TMEM266: variants seen among roughly 807,000 people sequenced by gnomAD.
TMEM266 encodes Hv1 related protein 1.
In TMEM266, 33 loss-of-function variants were observed where a neutral mutation model predicts 50.5. That is an observed-to-expected ratio of 0.65 (90% CI 0.50 to 0.87). The LOEUF (loss-of-function observed/expected upper bound fraction) is 0.87, where lower values mean the gene tolerates loss of function less well. TMEM266 is among the 40% of genes least tolerant of loss of function. TMEM266 has a pLI of 0.00. For synonymous variants in TMEM266, 310 were observed against 292.3 expected, an observed-to-expected ratio of 1.06 and a Z score of -0.62; for missense variants, 655 against 695.1, an observed-to-expected ratio of 0.94 and a Z score of 0.65.
At chr15:76,115,691 A>G (rs2037236830) in intron 1 of TMEM266, among the ~76,000 whole-genome samples, 1 of 152,170 alleles carries the variant, frequency 6.6e-6, no homozygotes, top group South Asian at 2.1e-4. Context: ...GGGCCTGTCA[A>G]TATGCCCAGT....
At chr15:76,080,697 T>TCCTGGCCCAGGGCCCTCACAGCTTTGTAA (rs1305805785) in intron 1 of TMEM266, among the ~76,000 whole-genome samples, 2 of 152,094 alleles carry the variant, frequency 1.3e-5, no homozygotes, top group Non-Finnish European at 2.9e-5. Flanking sequence ...GCCACCTGTC[T>TCCTGGCCCAGGGCCCTCACAGCTTTGTAA]CCTGGCCCAG....
chr15:76,123,215 T>G (rs1000273230), intron 1 of TMEM266, among the ~76,000 whole-genome samples: 2 of 152,166 alleles, frequency 1.3e-5, no homozygotes, highest in East Asian at 3.8e-4. Flanking sequence ...GGTGTGTGAT[T>G]GATTTTCTTC....
intron 6 of TMEM266, among the ~76,000 whole-genome samples, chr15:76,170,400 T>C (rs890014065): frequency 3.3e-5 from 5 of 152,102 alleles, no homozygotes; most frequent in African/African-American, 1.2e-4. Flanking sequence ...GGCTCAGTGC[T>C]GGGATCTGAC....
At chr15:76,189,229 G>C (rs770099652) in intron 8 of TMEM266, among the ~76,000 whole-genome samples, 4 of 151,804 alleles carry the variant, frequency 2.6e-5, no homozygotes, top group Non-Finnish European at 5.9e-5. Context: ...AAAGAGAAAG[G>C]AGAGAGGGAG....
chr15:76,182,500 C>A (rs1007720035), intron 8 of TMEM266, among the ~76,000 whole-genome samples: 1 of 151,688 alleles, frequency 6.6e-6, no homozygotes, highest in Non-Finnish European at 1.5e-5. Context: ...AAAAATTAGC[C>A]CGGTGTGGTG....
chr15:76,150,163 G>A (rs1288309816), intron 3 of TMEM266, among the ~76,000 whole-genome samples: 1 of 152,212 alleles, frequency 6.6e-6, no homozygotes, highest in African/African-American at 2.4e-5. Context: ...GTTATGCACA[G>A]TGCTGTAGTT....
rs745484675 is a variant in TMEM266 at position 76,192,015 on chromosome 15, C to G, written c.816C>G (p.Asp272Glu). ...CGCACCTGGCGCAGCAGGACCTGGACCTGGCTGCCGAGCGCGAAGCGGCGC... is the reference window on the plus strand; with the variant it reads ...CGCACCTGGCGCAGCAGGACCTGGAGCTGGCTGCCGAGCGCGAAGCGGCGC... Residue 272 changes from aspartate to glutamate, a missense_variant, in exon 9 of 11, where the codon GAC becomes GAG. Transcript: ENST00000388942. The G allele has an allele frequency of 6.3e-7, 1 of 1,577,906 alleles. No individual in the cohort carries two copies. The highest frequency in any genetic ancestry group is 8.6e-7 in the Non-Finnish European group (1 of 1,166,922).
At position 76,204,174 on chromosome 15, in the gene TMEM266, C is replaced by G. The variant is rs1596179042; in HGVS notation, c.1455C>G (p.Phe485Leu). 1 of 1,613,776 alleles carries G rather than the reference C, an allele frequency of 6.2e-7. No homozygotes were observed. The highest frequency in any genetic ancestry group is 8.5e-7 in the Non-Finnish European group (1 of 1,180,016). The change falls in exon 11 of 11, where the codon TTC becomes TTG. Residue 485 changes from phenylalanine (F) to leucine (L), a missense_variant. This residue lies in a region of TMEM266 where 455 missense variants were observed against 401.8 expected (regional missense o/e 1.13). Coordinates refer to ENST00000388942, the MANE Select transcript of TMEM266 (RefSeq NM_152335.3). ...AGCTGGAACACAGGGTAAGTCTGTT[C>G]AACCAGAAGAACCAGGAGGGCTTCA... The part of the protein sequence containing the change: ...SLFNQKNQEG[F>L]TVFQIRPVIH...
At chr15:76,190,595 T>A (rs769139595) in intron 8 of TMEM266, among the ~76,000 whole-genome samples, 68 of 150,272 alleles carry the variant, frequency 4.5e-4, no homozygotes, top group Non-Finnish European at 8.3e-4. Flanking sequence ...ATGGATGGGA[T>A]GTTGGGGTGG....
At chr15:76,148,792 A>T (rs2037795782) in intron 3 of TMEM266, among the ~76,000 whole-genome samples, 1 of 139,954 alleles carries the variant, frequency 7.1e-6, no homozygotes, top group African/African-American at 2.6e-5. Context: ...CCGAGGATGC[A>T]AAAAATCTGA....
intron 1 of TMEM266, among the ~76,000 whole-genome samples, chr15:76,095,999 T>A (rs981255537): frequency 6.6e-6 from 1 of 152,036 alleles, no homozygotes; most frequent in Non-Finnish European, 1.5e-5. Context: ...TATTTGATTC[T>A]TTCTTTTCTT....
chr15:76,171,223 C>A, intron 7 of TMEM266, 92 bp downstream of exon 7: 1 of 1,510,322 alleles, frequency 6.6e-7, no homozygotes. Context: ...GGGGTACACC[C>A]TGCTGGCGTC....
intron 1 of TMEM266, among the ~76,000 whole-genome samples, chr15:76,107,933 C>T (rs1056740049): frequency 2.6e-5 from 4 of 152,346 alleles, no homozygotes; most frequent in Non-Finnish European, 4.4e-5. Flanking sequence ...TTGGGGGGAA[C>T]ATTTTAGCAG....
In TMEM266 at chr15:76,137,746, C is replaced by A; in HGVS notation, c.78C>A (p.Ile26=). The A allele has an allele frequency of 6.2e-7, 1 of 1,614,240 alleles. No homozygotes were observed. Among genetic ancestry groups the A allele is most frequent in the Non-Finnish European group, 8.5e-7 (1 of 1,180,038 alleles). Reference sequence around the variant, plus strand: ...GAGGAATTTCTGAAGTTGAGATCATCTCCCAACAAGTAGACGAAGAAACCA... The same window carrying A: ...GAGGAATTTCTGAAGTTGAGATCATATCCCAACAAGTAGACGAAGAAACCA... The change falls in exon 3 of 11, where the codon ATC becomes ATA. Residue 26 remains isoleucine, a synonymous_variant. Transcript: ENST00000388942.
intron 8 of TMEM266, among the ~76,000 whole-genome samples, chr15:76,182,195 C>T (rs1567179379): frequency 6.6e-6 from 1 of 152,184 alleles, no homozygotes; most frequent in Non-Finnish European, 1.5e-5. Context: ...ATTCAAACCT[C>T]AGCCCCACCA....
Position 76,192,028 on chromosome 15 carries a change from CGCGAA to C in TMEM266, c.833_837del (p.Glu278GlyfsTer62). On this transcript the variant is annotated frameshift_variant, in exon 9 of 11. Coordinates refer to ENST00000388942, the MANE Select transcript of TMEM266 (RefSeq NM_152335.3). LOFTEE classifies it high-confidence loss of function. ...GCAGGACCTGGACCTGGCTGCCGAG[CGCGAA>C]GCGGCGCTCCAGGCCCCGCACGTGC... 1 of 1,567,100 alleles carries C rather than the reference CGCGAA, an allele frequency of 6.4e-7. No homozygotes were observed. Among genetic ancestry groups the C allele is most frequent in the Non-Finnish European group, 8.6e-7 (1 of 1,162,524 alleles).
intron 8 of TMEM266, among the ~76,000 whole-genome samples, chr15:76,176,667 G>A (rs1156959465): frequency 6.6e-6 from 1 of 152,216 alleles, no homozygotes; most frequent in Admixed American, 6.5e-5. Context: ...TTCTTCACGG[G>A]CTGTCTTCCA....
chr15:76,128,009 C>G (rs1468665904), intron 1 of TMEM266, among the ~76,000 whole-genome samples: 1 of 152,128 alleles, frequency 6.6e-6, no homozygotes, highest in African/African-American at 2.4e-5. Context: ...CGTTTGAGAA[C>G]CACTGATACA....
chr15:76,128,275 G>A (rs1436510211), intron 1 of TMEM266, among the ~76,000 whole-genome samples: 2 of 152,236 alleles, frequency 1.3e-5, no homozygotes, highest in African/African-American at 4.8e-5. Context: ...TCTGGGGACA[G>A]GTGAGTTGAA....
Sources: gnomAD v4.1 joint callset for allele counts (sites outside exome capture counted in the v4.1 genomes callset) on GRCh38, gnomAD v4.1.1 for gene constraint, gnomAD v4.1.1 regional missense constraint, MANE v1.5 for transcripts, NCBI Gene and HGNC (gene_info 2026-07-23, HGNC 2026-07-21) for gene names.